STX18: variants seen among roughly 807,000 people sequenced by gnomAD.
The protein encoded by STX18 is syntaxin 18, also known as syntaxin-18.
Under a neutral mutation model 50.1 loss-of-function variants are expected in STX18, and 40 were observed. The observed-to-expected ratio is 0.80, with a 90% CI of 0.62 to 1.04. The LOEUF (loss-of-function observed/expected upper bound fraction) is 1.04. STX18 is among the 50% of genes least tolerant of loss of function. The pLI is 0.00. For synonymous variants in STX18, 158 were observed against 151.8 expected (o/e 1.04, Z -0.30); for missense variants, 410 against 415.8 (o/e 0.99, Z 0.12).
chr4:4,535,476 TG>T (rs930057392), intron 1 of STX18, among the ~76,000 whole-genome samples: 1 of 152,070 alleles, frequency 6.6e-6, no homozygotes, highest in Non-Finnish European at 1.5e-5. Context: ...AAACAGGCCC[TG>T]GAGAGCATTA....
chr4:4,538,931 G>A (rs913532704), intron 1 of STX18, among the ~76,000 whole-genome samples: 5 of 152,124 alleles, frequency 3.3e-5, no homozygotes, highest in East Asian at 1.9e-4. Flanking sequence ...CTGAAAAGTC[G>A]TTACTCTCCA....
chr4:4,432,406 C>T lies in STX18; in HGVS notation c.702+2364G>A, dbSNP rs766917315. Among the ~76,000 whole-genome samples the T allele has an allele frequency of 3.1e-4, 47 of 152,252 alleles. 1 individual carries two copies. The highest frequency in any genetic ancestry group is 1.1e-3 in the African/African-American group (46 of 41,472). ...ACAGTCCTTCCCTGCTCATGGCACA[C>T]GGGCAGCTATGCCCAATCTCTTCCA... On this transcript the variant is annotated intron_variant, in intron 7 of 10. Coordinates refer to ENST00000306200, the MANE Select transcript of STX18 (RefSeq NM_016930.4).
In STX18 at chr4:4,420,828, G is replaced by A. The variant is rs761091540; in HGVS notation, c.912+36C>T. The A allele has an allele frequency of 2.5e-6, 4 of 1,581,618 alleles. No homozygotes were observed. The highest frequency in any genetic ancestry group is 1.7e-5 in the Admixed American group (1 of 59,986). On this transcript the variant is annotated intron_variant, in intron 10 of 10. Transcript: ENST00000306200. The surrounding 1 kb of genome is among the most constrained non-coding windows in gnomAD (Gnocchi z 4.3). ...ACCCGCTGCTGGGACTCAGTGCTGCGCCACGTCGCACCTGGGGAACCTAAA... is the reference window on the plus strand; with the variant it reads ...ACCCGCTGCTGGGACTCAGTGCTGCACCACGTCGCACCTGGGGAACCTAAA...
Position 4,521,687 on chromosome 4 carries a change from T to C in STX18, c.168+20110A>G, listed in dbSNP as rs543187975. 2.5e-4 allele frequency among the ~76,000 whole-genome samples: 38 copies of C among 152,216 alleles called. No individual in the cohort carries two copies. In the South Asian group the frequency reaches 6.8e-3, roughly 27 times the overall value. On this transcript the variant is annotated intron_variant, in intron 1 of 10. Transcript: ENST00000306200. ...GTTGTCATTAAAAAAAAAATACAAC[T>C]TAGCAATTCAGTTCAGAAAGAAGAA...
Position 4,438,708 on chromosome 4 carries a change from G to C in STX18, c.498-199C>G, listed in dbSNP as rs1725923320. Among the ~76,000 whole-genome samples the C allele has an allele frequency of 2.6e-5, 4 of 152,170 alleles. No homozygotes were observed. The South Asian group carries it at 8.3e-4, about 32-fold the overall frequency. ...CACTGGCATTATTGCCTGCAGGGTA[G>C]AGATTGTGCATGCCCTCTGCATTTG... On this transcript the variant is annotated intron_variant, in intron 5 of 10. Coordinates refer to ENST00000306200, the MANE Select transcript of STX18 (RefSeq NM_016930.4).
chr4:4,487,045 A>C (rs189094510), intron 1 of STX18, among the ~76,000 whole-genome samples: 1,967 of 152,260 alleles, frequency 0.013, 52 homozygotes, highest in African/African-American at 0.044. Flanking sequence ...TCTGCCTGTC[A>C]TTTTGAGCTT....
intron 1 of STX18, among the ~76,000 whole-genome samples, chr4:4,501,541 G>A (rs1246752191): frequency 6.6e-6 from 1 of 152,182 alleles, no homozygotes; most frequent in African/African-American, 2.4e-5. Flanking sequence ...TGGAAAATGA[G>A]GGGAGTCACA....
intron 4 of STX18, 75 bp from the exon 5 acceptor site, chr4:4,457,332 G>A: frequency 6.4e-7 from 1 of 1,559,166 alleles, no homozygotes; most frequent in Non-Finnish European, 8.8e-7. Flanking sequence ...TAAATATAAT[G>A]AGATACTACA....
At chr4:4,515,602 T>G (rs1246352855) in intron 1 of STX18, among the ~76,000 whole-genome samples, 1 of 152,114 alleles carries the variant, frequency 6.6e-6, no homozygotes, top group African/African-American at 2.4e-5. Context: ...AATAAAAATG[T>G]GTACCTAGAA....
chr4:4,463,766 A>G (rs1342734106), intron 2 of STX18, among the ~76,000 whole-genome samples: 1 of 152,218 alleles, frequency 6.6e-6, no homozygotes, highest in African/African-American at 2.4e-5. Context: ...AATAAAATTG[A>G]CACTGCGATC....
rs796865303 is a variant in STX18 at position 4,419,949 on chromosome 4, C to G, written c.*85G>C. 6.9e-6 allele frequency: 8 copies of G among 1,157,064 alleles called. No homozygotes were observed. In the African/African-American group the frequency reaches 1.1e-4, roughly 15 times the overall value. The allele number at this position is 1,157,064 out of a possible 1,614,324, so 71.7% of individuals were successfully genotyped here. A position where few individuals can be genotyped will look rare whatever the true frequency, so the allele number is the denominator to read the frequency against. On this transcript the variant is annotated 3_prime_UTR_variant, in exon 11 of 11. Transcript: ENST00000306200. Reference sequence around the variant, plus strand: ...GGCACTGTGATAAAATCTGGTCATACCATGCTCCAGCACTGGAAGTACATG... The same window carrying G: ...GGCACTGTGATAAAATCTGGTCATAGCATGCTCCAGCACTGGAAGTACATG...
intron 5 of STX18, among the ~76,000 whole-genome samples, chr4:4,447,848 T>G (rs2108803332): frequency 6.6e-6 from 1 of 152,280 alleles, no homozygotes; most frequent in South Asian, 2.1e-4. Flanking sequence ...ATATACATTT[T>G]TTTCCTCTGA....
chr4:4,533,831 T>C (rs1284704559), intron 1 of STX18, among the ~76,000 whole-genome samples: 2 of 152,206 alleles, frequency 1.3e-5, no homozygotes, highest in Non-Finnish European at 2.9e-5. Context: ...GAGGGAACTC[T>C]TTGACACACT....
chr4:4,517,242 A>G (rs544740048), intron 1 of STX18, among the ~76,000 whole-genome samples: 18 of 152,304 alleles, frequency 1.2e-4, no homozygotes, highest in African/African-American at 4.3e-4. Flanking sequence ...TGTTTTTTCA[A>G]AATCTCCTTT....
chr4:4,462,984 T>C (rs1020719998), intron 2 of STX18, among the ~76,000 whole-genome samples: 4 of 152,218 alleles, frequency 2.6e-5, no homozygotes, highest in African/African-American at 7.2e-5. Flanking sequence ...TTGAGTATAA[T>C]AACTGCCTTA....
chr4:4,517,719 C>T (rs946791937), intron 1 of STX18, among the ~76,000 whole-genome samples: 6 of 151,884 alleles, frequency 4.0e-5, no homozygotes, highest in South Asian at 2.1e-4. Flanking sequence ...GACAAATGTT[C>T]ATATCACTAC....
At chr4:4,524,606 G>A (rs73796089) in intron 1 of STX18, among the ~76,000 whole-genome samples, 1,672 of 152,350 alleles carry the variant, frequency 0.011, 30 homozygotes, top group African/African-American at 0.038. Flanking sequence ...CAAAGCAAGG[G>A]CGTTAGAGGC....
At chr4:4,421,097 G>C (rs1249817100) in intron 9 of STX18, among the ~76,000 whole-genome samples, 153 bp from the exon 10 acceptor site, 1 of 152,126 alleles carries the variant, frequency 6.6e-6, no homozygotes, top group Non-Finnish European at 1.5e-5. Context: ...TGAAGTTTAG[G>C]GATGCTTGAC....
intron 9 of STX18, among the ~76,000 whole-genome samples, chr4:4,422,747 C>G (rs1160033099): frequency 6.6e-6 from 1 of 152,150 alleles, no homozygotes; most frequent in African/African-American, 2.4e-5. Flanking sequence ...ACTTGCAAAC[C>G]ACTGTTAGAC....
Sources: gnomAD v4.1 joint callset for allele counts (sites outside exome capture counted in the v4.1 genomes callset) on GRCh38, gnomAD v4.1.1 for gene constraint, Gnocchi (gnomAD v3.1) non-coding constraint, MANE v1.5 for transcripts, NCBI Gene and HGNC (gene_info 2026-07-23, HGNC 2026-07-21) for gene names.